Variants in FBXL20 observed in about 807,000 individuals in gnomAD.
FBXL20 encodes F-box/LRR-repeat protein 20.
In FBXL20, 11 loss-of-function variants were observed where a neutral mutation model predicts 64.0. That is an observed-to-expected ratio of 0.17 (90% CI 0.11 to 0.28). The LOEUF is 0.28. Among genes scored for constraint, FBXL20 ranks in the 10% least tolerant of loss-of-function variants. The pLI is 1.00. For synonymous variants in FBXL20, 184 were observed against 189.0 expected, an observed-to-expected ratio of 0.97 and a Z score of 0.22; for missense variants, 303 against 526.2, an observed-to-expected ratio of 0.58 and a Z score of 4.15.
At chr17:39,394,172 T>C (rs1266751302) in intron 1 of FBXL20, among the ~76,000 whole-genome samples, 1 of 152,204 alleles carries the variant, frequency 6.6e-6, no homozygotes, top group Non-Finnish European at 1.5e-5. Context: ...AGGGCTTTCT[T>C]TCTTCTCCCT....
At chr17:39,280,729 T>C (rs1201239453) in intron 9 of FBXL20, among the ~76,000 whole-genome samples, 1 of 152,082 alleles carries the variant, frequency 6.6e-6, no homozygotes, top group Non-Finnish European at 1.5e-5. Context: ...ATATAGATGC[T>C]ACTTGAAAAT....
chr17:39,362,716 A>G (rs1338024874), intron 1 of FBXL20, among the ~76,000 whole-genome samples: 3 of 145,732 alleles, frequency 2.1e-5, no homozygotes, highest in Non-Finnish European at 4.5e-5. Context: ...TCTCGGGTTC[A>G]AGTGATTCTC....
chr17:39,327,796 G>A (rs1293533597), intron 2 of FBXL20, among the ~76,000 whole-genome samples: 1 of 151,992 alleles, frequency 6.6e-6, no homozygotes, highest in Admixed American at 6.6e-5. Context: ...CACCTCCCGG[G>A]TTCATGCCAT....
chr17:39,340,569 CTG>C (rs762148411), intron 2 of FBXL20, among the ~76,000 whole-genome samples: 2 of 152,092 alleles, frequency 1.3e-5, no homozygotes, highest in Non-Finnish European at 2.9e-5. Flanking sequence ...ATTTTGATAA[CTG>C]ATATTATTGA....
intron 9 of FBXL20, among the ~76,000 whole-genome samples, chr17:39,275,401 TTTTATTTATTTA>T (rs550039792): frequency 2.6e-5 from 4 of 151,668 alleles, no homozygotes; most frequent in South Asian, 2.1e-4. Context: ...AATTAAATAA[TTTTATTTATTTA>T]TTTATTTATT....
chr17:39,295,843 A>T (rs947509325), intron 6 of FBXL20, among the ~76,000 whole-genome samples: 4 of 148,410 alleles, frequency 2.7e-5, no homozygotes, highest in Non-Finnish European at 4.5e-5. Context: ...TATTATACAA[A>T]CTCCTCCGCA....
intron 6 of FBXL20, among the ~76,000 whole-genome samples, chr17:39,293,635 T>C (rs1209995172): frequency 6.6e-6 from 1 of 152,186 alleles, no homozygotes; most frequent in Non-Finnish European, 1.5e-5. Flanking sequence ...GTCCCAGGTG[T>C]TCAATGAATT....
At chr17:39,327,814 C>A (rs2047422924) in intron 2 of FBXL20, among the ~76,000 whole-genome samples, 1 of 152,106 alleles carries the variant, frequency 6.6e-6, no homozygotes, top group Non-Finnish European at 1.5e-5. Flanking sequence ...CATTCTCCTG[C>A]CTCAGCCTTC....
Position 39,268,884 on chromosome 17 carries a change from AAAAC to A in FBXL20, c.889-17_889-14del. 1.9e-6 allele frequency: 3 copies of A among 1,612,520 alleles called. No homozygotes were observed. In the East Asian group the frequency reaches 6.7e-5, roughly 36 times the overall value. ...GTTCATGGCAATTCTACAAAGTACAAAAACAAACACAAACATTACAGTACAAACA... is the reference window on the plus strand; with the variant it reads ...GTTCATGGCAATTCTACAAAGTACAAAAACACAAACATTACAGTACAAACA... On this transcript the variant is annotated splice_polypyrimidine_tract_variant and intron_variant, in intron 11 of 14. Coordinates refer to ENST00000264658, the MANE Select transcript of FBXL20 (RefSeq NM_032875.3).
intron 1 of FBXL20, among the ~76,000 whole-genome samples, chr17:39,376,685 T>G (rs1281220731): frequency 1.3e-5 from 2 of 152,184 alleles, no homozygotes; most frequent in African/African-American, 4.8e-5. Context: ...TTAAGAAATT[T>G]TTGTACAGTC....
intron 2 of FBXL20, among the ~76,000 whole-genome samples, chr17:39,321,495 G>A (rs529594233): frequency 1.4e-5 from 2 of 145,678 alleles, no homozygotes; most frequent in East Asian, 4.0e-4. Flanking sequence ...AATCAGTCTA[G>A]GGCCAGGCAC....
chr17:39,343,354 C>A, intron 1 of FBXL20, 113 bp from the exon 2 acceptor site: 1 of 622,684 alleles, frequency 1.6e-6, no homozygotes, highest in Non-Finnish European at 2.6e-6. Flanking sequence ...ATATAGTCGG[C>A]ATCATAAACC....
intron 6 of FBXL20, among the ~76,000 whole-genome samples, chr17:39,287,650 T>C (rs1487834169): frequency 1.3e-5 from 2 of 152,050 alleles, no homozygotes; most frequent in Non-Finnish European, 2.9e-5. Context: ...AGTGATCCTC[T>C]TGCCTTGGCC....
intron 10 of FBXL20, among the ~76,000 whole-genome samples, chr17:39,273,266 T>G (rs1275338193): frequency 1.3e-5 from 2 of 152,240 alleles, no homozygotes; most frequent in African/African-American, 4.8e-5. Flanking sequence ...TCCGCCCGCC[T>G]CAGCCTCCCA....
intron 2 of FBXL20, among the ~76,000 whole-genome samples, chr17:39,329,036 G>A (rs192927407): frequency 2.6e-5 from 4 of 152,070 alleles, no homozygotes; most frequent in African/African-American, 9.7e-5. Context: ...CTGGGTGACA[G>A]AGCAAGACTC....
At chr17:39,288,277 C>A (rs2144405892) in intron 6 of FBXL20, among the ~76,000 whole-genome samples, 1 of 152,046 alleles carries the variant, frequency 6.6e-6, no homozygotes, top group East Asian at 1.9e-4. Context: ...GTGTAAATAC[C>A]TTTTCTTATG....
intron 1 of FBXL20, among the ~76,000 whole-genome samples, chr17:39,391,109 C>T (rs777438802): frequency 1.1e-4 from 16 of 151,960 alleles, no homozygotes; most frequent in Non-Finnish European, 1.9e-4. Context: ...TAGTAAGTTC[C>T]TCTAAAGCAT....
chr17:39,349,865 G>A (rs60506770), intron 1 of FBXL20, among the ~76,000 whole-genome samples: 6,321 of 151,718 alleles, frequency 0.042, 252 homozygotes, highest in African/African-American at 0.1. Flanking sequence ...GAACCCGGGA[G>A]GCGGAGCTTG....
At position 39,390,710 on chromosome 17, in the gene FBXL20, G is replaced by C. The variant is rs1461995729; in HGVS notation, c.42+10651C>G. On this transcript the variant is annotated intron_variant, in intron 1 of 14. Coordinates refer to ENST00000264658, the MANE Select transcript of FBXL20 (RefSeq NM_032875.3). ...CCACTGCATTCCAACCTGGGTGATA[G>C]ATCAAGACCCTGTCTCAAACAAAAA... 2.6e-5 allele frequency among the ~76,000 whole-genome samples: 4 copies of C among 152,276 alleles called. No individual in the cohort carries two copies. In the South Asian group the frequency reaches 6.2e-4, roughly 24 times the overall value.
Sources: gnomAD v4.1 joint callset for allele counts (sites outside exome capture counted in the v4.1 genomes callset) on GRCh38, gnomAD v4.1.1 for gene constraint, MANE v1.5 for transcripts, NCBI Gene and HGNC (gene_info 2026-07-23, HGNC 2026-07-21) for gene names.